Variants in SH3D19 observed in about 807,000 individuals in gnomAD.
SH3D19 encodes SH3 domain containing 19.
SH3D19 carries 58 observed loss-of-function variants against 112.1 expected under a neutral mutation model. That is an observed-to-expected ratio of 0.52 (90% CI 0.42 to 0.64). The LOEUF (loss-of-function observed/expected upper bound fraction) is 0.64, where lower values mean the gene tolerates loss of function less well. Ranked by LOEUF, SH3D19 falls within the 30% of genes least tolerant of loss-of-function variation. The pLI is 0.00. For missense variants in SH3D19, 1,090 were observed against 1,263.4 expected, an observed-to-expected ratio of 0.86 and a Z score of 2.08; for synonymous variants, 391 against 448.5, an observed-to-expected ratio of 0.87 and a Z score of 1.62.
At chr4:151,170,367 A>C (rs1758838492) in intron 7 of SH3D19, among the ~76,000 whole-genome samples, 1 of 152,194 alleles carries the variant, frequency 6.6e-6, no homozygotes. Flanking sequence ...AAAACCACTT[A>C]AAAATAAGAG....
intron 1 of SH3D19, among the ~76,000 whole-genome samples, chr4:151,302,968 T>C (rs1223675895): frequency 6.6e-6 from 1 of 151,960 alleles, no homozygotes; most frequent in Non-Finnish European, 1.5e-5. Context: ...TATACATATA[T>C]AACAAACCTG....
At chr4:151,195,431 A>G (rs1763319675) in intron 2 of SH3D19, among the ~76,000 whole-genome samples, 1 of 151,482 alleles carries the variant, frequency 6.6e-6, no homozygotes, top group Admixed American at 6.6e-5. Context: ...TTAATTTTCA[A>G]GCAAGAAACC....
chr4:151,302,487 A>C (rs1323920778), intron 1 of SH3D19, among the ~76,000 whole-genome samples: 1 of 152,234 alleles, frequency 6.6e-6, no homozygotes, highest in Non-Finnish European at 1.5e-5. Flanking sequence ...ACTAGAACAA[A>C]GAATTTTGAA....
intron 2 of SH3D19, among the ~76,000 whole-genome samples, chr4:151,217,038 G>A (rs1767241397): frequency 6.6e-6 from 1 of 152,006 alleles, no homozygotes; most frequent in South Asian, 2.1e-4. Context: ...CTTGTTTATG[G>A]CATTACAGAT....
chr4:151,237,894 A>C (rs1165363621), intron 1 of SH3D19, among the ~76,000 whole-genome samples: 2 of 152,160 alleles, frequency 1.3e-5, no homozygotes, highest in Non-Finnish European at 2.9e-5. Flanking sequence ...ATAATTTCTA[A>C]ACCTTCCCTT....
At chr4:151,286,983 AATAATAAT>A (rs750578777) in intron 1 of SH3D19, among the ~76,000 whole-genome samples, 1 of 55,644 alleles carries the variant, frequency 1.8e-5, no homozygotes, top group Non-Finnish European at 4.3e-5. Context: ...CTGTCTCAAA[AATAATAAT>A]AATAATAATA....
intron 1 of SH3D19, among the ~76,000 whole-genome samples, chr4:151,233,059 G>A (rs1189716965): frequency 1.3e-5 from 2 of 151,982 alleles, no homozygotes; most frequent in Non-Finnish European, 2.9e-5. Flanking sequence ...GATCCTCATA[G>A]GAGCTTGAAC....
intron 3 of SH3D19, among the ~76,000 whole-genome samples, chr4:151,183,946 C>T (rs979272741): frequency 6.6e-6 from 1 of 152,182 alleles, no homozygotes; most frequent in African/African-American, 2.4e-5. Context: ...TAAAATGGGT[C>T]AACACCTACC....
chr4:151,280,027 AC>A, intron 1 of SH3D19: 4 of 923,734 alleles, frequency 4.3e-6, no homozygotes, highest in Non-Finnish European at 5.9e-6. Context: ...TCATGAATGA[AC>A]CAAAAGACAA....
intron 1 of SH3D19, among the ~76,000 whole-genome samples, chr4:151,270,318 T>C (rs1316923168): frequency 1.3e-5 from 2 of 152,122 alleles, no homozygotes; most frequent in Admixed American, 6.5e-5. Context: ...GGTACTATCC[T>C]CAAAATAGTG....
At chr4:151,177,092 TCAGGCCTGGGCTGTCTCTGA>T in intron 4 of SH3D19, 137 bp from the exon 5 acceptor site, 1 of 668,554 alleles carries the variant, frequency 1.5e-6, no homozygotes, top group Non-Finnish European at 2.1e-6. Flanking sequence ...AAATGACCTG[TCAGGCCTGGGCTGTCTCTGA>T]CAGTACACCC....
chr4:151,303,546 C>A (rs1728655002), intron 1 of SH3D19, among the ~76,000 whole-genome samples: 1 of 152,046 alleles, frequency 6.6e-6, no homozygotes. Context: ...TGAAACAATA[C>A]AGAAGTATAA....
chr4:151,271,316 A>C (rs1346308979), intron 1 of SH3D19, among the ~76,000 whole-genome samples: 4 of 152,224 alleles, frequency 2.6e-5, no homozygotes, highest in African/African-American at 9.6e-5. Flanking sequence ...GAAAACAGAC[A>C]ATGGTGTCCA....
At chr4:151,271,927 A>C (rs1580369135) in intron 1 of SH3D19, among the ~76,000 whole-genome samples, 1 of 152,228 alleles carries the variant, frequency 6.6e-6, no homozygotes, top group Non-Finnish European at 1.5e-5. Flanking sequence ...GATAACGTTA[A>C]TGATGGCATA....
intron 7 of SH3D19, among the ~76,000 whole-genome samples, chr4:151,167,223 CTA>C (rs1269135554): frequency 6.6e-6 from 1 of 151,910 alleles, no homozygotes; most frequent in Non-Finnish European, 1.5e-5. Flanking sequence ...CCACTGTGAC[CTA>C]TGTCACCCAT....
At chr4:151,204,306 G>C (rs1319519411) in intron 2 of SH3D19, among the ~76,000 whole-genome samples, 4 of 152,156 alleles carry the variant, frequency 2.6e-5, no homozygotes, top group African/African-American at 4.8e-5. Flanking sequence ...TCACCACTTT[G>C]ACTAGCTCCA....
intron 17 of SH3D19, among the ~76,000 whole-genome samples, chr4:151,131,495 CT>C (rs949408809): frequency 1.9e-5 from 2 of 105,870 alleles, no homozygotes; most frequent in South Asian, 2.8e-4. Flanking sequence ...TTCTTTTTTT[CT>C]TTTTTTTTGA....
At chr4:151,194,275 C>A (rs1016690361) in intron 2 of SH3D19, among the ~76,000 whole-genome samples, 10 of 151,896 alleles carry the variant, frequency 6.6e-5, no homozygotes, top group Non-Finnish European at 1.3e-4. Flanking sequence ...GATCCACCCA[C>A]CACGGCCTCC....
Position 151,174,828 on chromosome 4 carries a change from T to A in SH3D19, c.1376A>T (p.Tyr459Phe), listed in dbSNP as rs754860489. ...TGGGGGCCCTTCTCCCAGTGACTTGTATGCTTTGGCTTGTGATGCCCCTGC... is the reference window on the plus strand; with the variant it reads ...TGGGGGCCCTTCTCCCAGTGACTTGAATGCTTTGGCTTGTGATGCCCCTGC... Reference protein sequence around the residue: ...RLAGASQAKAYKSLGEGPPAN... With the variant: ...RLAGASQAKAFKSLGEGPPAN... The change falls in exon 7 of 20, where the codon TAC (tyrosine) becomes TTC (phenylalanine). Residue 459 changes from tyrosine to phenylalanine, a missense_variant. Transcript: ENST00000604030. 2 of 1,579,984 alleles carry A rather than the reference T, an allele frequency of 1.3e-6. No individual in the cohort carries two copies. The highest frequency in any genetic ancestry group is 1.7e-6 in the Non-Finnish European group (2 of 1,164,440).
Sources: gnomAD v4.1 joint callset for allele counts (sites outside exome capture counted in the v4.1 genomes callset) on GRCh38, gnomAD v4.1.1 for gene constraint, MANE v1.5 for transcripts, NCBI Gene and HGNC (gene_info 2026-07-23, HGNC 2026-07-21) for gene names.